CTTNBP2: variants seen among roughly 807,000 people sequenced by gnomAD.
CTTNBP2 encodes cortactin-binding protein 2.
Under a neutral mutation model 156.9 loss-of-function variants are expected in CTTNBP2, and 108 were observed. The observed-to-expected ratio is 0.69, with a 90% CI of 0.59 to 0.81. CTTNBP2 has a LOEUF of 0.81. Among genes scored for constraint, CTTNBP2 ranks in the 30% least tolerant of loss-of-function variants. The pLI is 0.00. For missense variants in CTTNBP2, 1,924 were observed against 2,035.4 expected (o/e 0.95, Z 1.05); for synonymous variants, 767 against 751.8 (o/e 1.02, Z -0.33).
rs751035352 is a variant in CTTNBP2, at chr7:117,791,112, A to T, written c.2068+16T>A. ...CCATATTCTTTAAAAAGCGTATAAC[A>T]TTTCAATCCCTTTACCTGATGCTGT... On this transcript the variant is annotated intron_variant, in intron 4 of 22. Coordinates refer to ENST00000160373, the MANE Select transcript of CTTNBP2 (RefSeq NM_033427.3). The T allele has an allele frequency of 6.3e-7, 1 of 1,597,356 alleles. No homozygotes were observed. Among genetic ancestry groups the T allele is most frequent in the Non-Finnish European group, 8.6e-7 (1 of 1,168,470 alleles).
intron 3 of CTTNBP2, among the ~76,000 whole-genome samples, chr7:117,795,161 G>T (rs937861433): frequency 2.1e-4 from 10 of 48,494 alleles, no homozygotes; most frequent in Non-Finnish European, 3.4e-4. Context: ...CTCCCAAAGT[G>T]CTGGGATTAC....
chr7:117,770,716 A>G (rs1006938916), intron 8 of CTTNBP2, among the ~76,000 whole-genome samples: 1 of 152,164 alleles, frequency 6.6e-6, no homozygotes, highest in Admixed American at 6.5e-5. Context: ...TGGTGAAGCA[A>G]TGAGTACAGT....
chr7:117,809,132 T>C (rs896703482), intron 3 of CTTNBP2, among the ~76,000 whole-genome samples: 1 of 151,772 alleles, frequency 6.6e-6, no homozygotes, highest in African/African-American at 2.4e-5. Context: ...CCTTTCACTA[T>C]CAGCCAGGTT....
rs546022439 is a variant in CTTNBP2, at chr7:117,780,724, T to C, written c.2373-133A>G. ...TACATCAATTGTTTCTATTTACATA[T>C]ATCAATTATTATGGATCTTATTACA... On this transcript the variant is annotated intron_variant, in intron 6 of 22. Transcript: ENST00000160373. 5 of 444,396 alleles carry C rather than the reference T, an allele frequency of 1.1e-5. 1 individual carries two copies. The South Asian group carries it at 3.4e-4, about 30-fold the overall frequency. 27.5% of individuals were successfully genotyped at this position (444,396 alleles called of 1,614,324 possible).
intron 22 of CTTNBP2, 144 bp downstream of exon 22, chr7:117,717,874 T>C: frequency 1.8e-6 from 1 of 556,392 alleles, no homozygotes; most frequent in Non-Finnish European, 3.2e-6. Context: ...TAAAACCTAA[T>C]GAACACTTTT....
At chr7:117,717,205 A>T (rs1794452332) in intron 22 of CTTNBP2, among the ~76,000 whole-genome samples, 1 of 152,208 alleles carries the variant, frequency 6.6e-6, no homozygotes, top group African/African-American at 2.4e-5. Context: ...GCTATTTCAA[A>T]AGGTTAAGGA....
intron 3 of CTTNBP2, among the ~76,000 whole-genome samples, chr7:117,805,105 T>A (rs1799853002): frequency 6.6e-6 from 1 of 152,212 alleles, no homozygotes; most frequent in Non-Finnish European, 1.5e-5. Context: ...GATCATATAT[T>A]TAATAAGAGT....
intron 16 of CTTNBP2, among the ~76,000 whole-genome samples, chr7:117,731,327 G>T (rs1795386463): frequency 6.6e-6 from 1 of 152,150 alleles, no homozygotes; most frequent in South Asian, 2.1e-4. Context: ...GGGAAAGCCG[G>T]GCATTTGGAT....
At chr7:117,819,401 A>T (rs1249221219) in intron 2 of CTTNBP2, among the ~76,000 whole-genome samples, 3 of 151,268 alleles carry the variant, frequency 2.0e-5, no homozygotes, top group Non-Finnish European at 2.9e-5. Flanking sequence ...ACACACACAC[A>T]CACACACACA....
chr7:117,844,285 G>A (rs1160152307), intron 2 of CTTNBP2, among the ~76,000 whole-genome samples: 1 of 152,150 alleles, frequency 6.6e-6, no homozygotes, highest in African/African-American at 2.4e-5. Flanking sequence ...ATAAATTTGT[G>A]TTCCTTCTAA....
chr7:117,750,003 G>A (rs1267386627), intron 12 of CTTNBP2, among the ~76,000 whole-genome samples: 1 of 152,112 alleles, frequency 6.6e-6, no homozygotes, highest in Non-Finnish European at 1.5e-5. Context: ...AAATCGCTAT[G>A]ATTTATTGGG....
chr7:117,759,867 A>G (rs913581751), intron 10 of CTTNBP2, among the ~76,000 whole-genome samples: 5 of 152,242 alleles, frequency 3.3e-5, no homozygotes, highest in Non-Finnish European at 7.3e-5. Context: ...TAATATTTAC[A>G]GAGAACTTAC....
At chr7:117,857,175 A>G (rs1312022487) in intron 2 of CTTNBP2, among the ~76,000 whole-genome samples, 4 of 152,232 alleles carry the variant, frequency 2.6e-5, no homozygotes, top group Non-Finnish European at 4.4e-5. Flanking sequence ...CTCTATGTGA[A>G]TATGGAGGAA....
intron 3 of CTTNBP2, among the ~76,000 whole-genome samples, chr7:117,799,193 C>G (rs1236610505): frequency 6.6e-6 from 1 of 151,584 alleles, no homozygotes; most frequent in African/African-American, 2.4e-5. Flanking sequence ...TACCTTTATA[C>G]AAAACAAAAA....
At chr7:117,841,001 T>C (rs1365663631) in intron 2 of CTTNBP2, among the ~76,000 whole-genome samples, 1 of 152,224 alleles carries the variant, frequency 6.6e-6, no homozygotes, top group Non-Finnish European at 1.5e-5. Flanking sequence ...AGTTATCTTA[T>C]TAAAAAGTAA....
chr7:117,711,229 T>G lies in CTTNBP2; in HGVS notation c.*308A>C, dbSNP rs1794034869. Reference sequence around the variant, plus strand: ...TATATACATATATACAGATATACAGTACACAGTTCTGTTTTAATACCCCTG... The same window carrying G: ...TATATACATATATACAGATATACAGGACACAGTTCTGTTTTAATACCCCTG... On this transcript the variant is annotated 3_prime_UTR_variant, in exon 23 of 23. Coordinates refer to ENST00000160373, the MANE Select transcript of CTTNBP2 (RefSeq NM_033427.3). 1 of 274,686 alleles carries G rather than the reference T, an allele frequency of 3.6e-6. No homozygotes were observed. The highest frequency in any genetic ancestry group is 4.6e-5 in the South Asian group (1 of 21,610). 17.0% of individuals were successfully genotyped at this position (274,686 alleles called of 1,614,324 possible).
At chr7:117,714,848 C>A (rs1398732729) in intron 22 of CTTNBP2, among the ~76,000 whole-genome samples, 1 of 152,144 alleles carries the variant, frequency 6.6e-6, no homozygotes, top group East Asian at 1.9e-4. Context: ...GCTCCTGACA[C>A]CCTGGAAGTC....
rs760000535 is a variant in CTTNBP2, at chr7:117,724,691, G to A, written c.4303C>T (p.Pro1435Ser). 9 of 1,614,126 alleles carry A rather than the reference G, an allele frequency of 5.6e-6. No individual in the cohort carries two copies. Among genetic ancestry groups the A allele is most frequent in the Non-Finnish European group, 7.6e-6 (9 of 1,180,002 alleles). ...HTADFKGGSF[P>S]LSIVSSYNTC... ...TTATAACTGGAAACTATGGATAAAG[G>A]GAAACTTCCTCCTTTGAAATCAGCT... The change falls in exon 19 of 23, where the codon CCT becomes TCT. Residue 1435 changes from proline to serine, a missense_variant. Transcript: ENST00000160373.
chr7:117,825,919 G>C (rs2117050818), intron 2 of CTTNBP2, among the ~76,000 whole-genome samples: 1 of 152,272 alleles, frequency 6.6e-6, no homozygotes, highest in South Asian at 2.1e-4. Flanking sequence ...TGTCTCATTA[G>C]AGAAATGGGA....
Sources: gnomAD v4.1 joint callset for allele counts (sites outside exome capture counted in the v4.1 genomes callset) on GRCh38, gnomAD v4.1.1 for gene constraint, MANE v1.5 for transcripts, NCBI Gene and HGNC (gene_info 2026-07-23, HGNC 2026-07-21) for gene names.